The following DLGAP2 variants were observed in gnomAD, a reference collection of about 807,000 sequenced individuals.
The protein encoded by DLGAP2 is DLG associated protein 2.
In DLGAP2, 26 loss-of-function variants were observed where a neutral mutation model predicts 100.3. That is an observed-to-expected ratio of 0.26 (90% confidence interval 0.19 to 0.36). The LOEUF is 0.36. Ranked by LOEUF, DLGAP2 falls within the 10% of genes least tolerant of loss-of-function variation. DLGAP2 has a pLI of 1.00. For synonymous variants in DLGAP2, 886 were observed against 630.1 expected (o/e 1.41, Z -6.08); for missense variants, 1,858 against 1,453.2 (o/e 1.28, Z -4.53).
At chr8:1,539,939 C>G (rs1434491595) in intron 4 of DLGAP2, among the ~76,000 whole-genome samples, 1 of 152,184 alleles carries the variant, frequency 6.6e-6, no homozygotes, top group Non-Finnish European at 1.5e-5. Context: ...GCATCAGTGG[C>G]TTCCCATCTC....
intron 2 of DLGAP2, among the ~76,000 whole-genome samples, chr8:1,234,296 A>G (rs113849263): frequency 4.6e-5 from 7 of 152,254 alleles, no homozygotes; most frequent in Admixed American, 2.0e-4. Context: ...CGGGTCTGAA[A>G]TCAGGGTGTC....
At chr8:1,389,706 C>G (rs1243974750) in intron 3 of DLGAP2, among the ~76,000 whole-genome samples, 1 of 152,120 alleles carries the variant, frequency 6.6e-6, no homozygotes, top group African/African-American at 2.4e-5. Flanking sequence ...TGAGAACGTC[C>G]TCCAAGGACA....
At chr8:1,355,828 C>T (rs557913666) in intron 3 of DLGAP2, among the ~76,000 whole-genome samples, 2 of 152,304 alleles carry the variant, frequency 1.3e-5, no homozygotes, top group African/African-American at 4.8e-5. Context: ...CCATGCCCAC[C>T]AGCCAGTCCC....
At chr8:789,299 A>T (rs1025224785) in intron 1 of DLGAP2, among the ~76,000 whole-genome samples, 1 of 152,222 alleles carries the variant, frequency 6.6e-6, no homozygotes, top group Non-Finnish European at 1.5e-5. Flanking sequence ...GAAACTTACA[A>T]CCATGGCGGA....
intron 3 of DLGAP2, among the ~76,000 whole-genome samples, chr8:1,342,114 C>T (rs890026165): frequency 6.6e-6 from 1 of 151,980 alleles, no homozygotes; most frequent in African/African-American, 2.4e-5. Flanking sequence ...CTACCCCCAG[C>T]TGATTTTTCT....
chr8:1,000,097 A>G (rs1377481108), intron 2 of DLGAP2, among the ~76,000 whole-genome samples: 2 of 126,402 alleles, frequency 1.6e-5, no homozygotes, highest in African/African-American at 3.0e-5. Flanking sequence ...TTTCTTTTGC[A>G]CTGGATTTTC....
intron 3 of DLGAP2, among the ~76,000 whole-genome samples, chr8:1,372,010 C>A (rs555806966): frequency 6.6e-6 from 1 of 152,344 alleles, no homozygotes; most frequent in East Asian, 1.9e-4. Flanking sequence ...TGCAGGTCAA[C>A]TTAGTGGTGC....
At chr8:800,179 G>A (rs761255060) in intron 1 of DLGAP2, among the ~76,000 whole-genome samples, 5 of 152,304 alleles carry the variant, frequency 3.3e-5, no homozygotes, top group Non-Finnish European at 7.3e-5. Flanking sequence ...TGTGCCCGAG[G>A]TGTGGGTCCT....
chr8:1,373,435 G>C (rs1384996617), intron 3 of DLGAP2, among the ~76,000 whole-genome samples: 1 of 152,188 alleles, frequency 6.6e-6, no homozygotes, highest in Non-Finnish European at 1.5e-5. Flanking sequence ...AGGACGGGGG[G>C]CCGGACAGAG....
At chr8:948,076 G>A (rs1799377209) in intron 2 of DLGAP2, among the ~76,000 whole-genome samples, 1 of 151,420 alleles carries the variant, frequency 6.6e-6, no homozygotes, top group Admixed American at 6.6e-5. Context: ...TGGCTTCCCC[G>A]ACCCCATGCC....
intron 3 of DLGAP2, among the ~76,000 whole-genome samples, chr8:1,318,939 A>G (rs76911429): frequency 0.044 from 6,634 of 152,134 alleles, 185 homozygotes; most frequent in Middle Eastern, 0.19. Flanking sequence ...AACGCTCAGC[A>G]TGGTTTTTCC....
At chr8:1,191,266 G>T (rs761234287) in intron 2 of DLGAP2, among the ~76,000 whole-genome samples, 44 of 150,976 alleles carry the variant, frequency 2.9e-4, no homozygotes, top group Non-Finnish European at 2.8e-4. Flanking sequence ...CACCTCCCGG[G>T]TTCAGGCCAT....
At chr8:962,176 G>A (rs566223481) in intron 2 of DLGAP2, among the ~76,000 whole-genome samples, 4 of 152,206 alleles carry the variant, frequency 2.6e-5, no homozygotes, top group African/African-American at 9.6e-5. Flanking sequence ...ATTTTCCATA[G>A]CACATTTTTA....
At chr8:1,011,733 C>T (rs912042334) in intron 2 of DLGAP2, among the ~76,000 whole-genome samples, 1 of 134,522 alleles carries the variant, frequency 7.4e-6, no homozygotes, top group African/African-American at 2.8e-5. Context: ...GAGCCCTGGA[C>T]GAGGGTCCTC....
chr8:1,294,242 C>G (rs746285693), intron 3 of DLGAP2, among the ~76,000 whole-genome samples: 7 of 152,184 alleles, frequency 4.6e-5, no homozygotes, highest in African/African-American at 7.2e-5. Context: ...AGGCCTTTCA[C>G]AAGAATTTAA....
chr8:1,339,950 C>G (rs1160870383), intron 3 of DLGAP2, among the ~76,000 whole-genome samples: 2 of 152,200 alleles, frequency 1.3e-5, no homozygotes, highest in African/African-American at 2.4e-5. Context: ...GTATCGTGAT[C>G]TTGCTTAAAT....
chr8:894,680 T>C (rs1441902373), intron 1 of DLGAP2, among the ~76,000 whole-genome samples: 7 of 82,008 alleles, frequency 8.5e-5, no homozygotes, highest in Non-Finnish European at 1.5e-4. Flanking sequence ...GTGGGGAAAG[T>C]GGAGCGGTGG....
chr8:1,276,385 C>T (rs1799697031), intron 3 of DLGAP2, among the ~76,000 whole-genome samples: 1 of 152,094 alleles, frequency 6.6e-6, no homozygotes, highest in South Asian at 2.1e-4. Context: ...CAGATGGAAC[C>T]GTTTTGGATC....
intron 2 of DLGAP2, among the ~76,000 whole-genome samples, chr8:1,226,282 A>C (rs879264351): frequency 2.0e-5 from 3 of 152,234 alleles, no homozygotes; most frequent in African/African-American, 7.2e-5. Flanking sequence ...ATGGAATACT[A>C]TGCAGCCATG....
Sources: allele counts gnomAD v4.1 joint callset (sites outside exome capture counted in the v4.1 genomes callset), GRCh38; gene constraint gnomAD v4.1.1; transcripts MANE v1.5; gene names NCBI Gene and HGNC (gene_info 2026-07-23, HGNC 2026-07-21).